The following CAMK4 variants were observed in gnomAD, a reference collection of about 807,000 sequenced individuals.
CAMK4 encodes calcium/calmodulin-dependent protein kinase type IV.
A neutral mutation model predicts 44.9 loss-of-function variants in CAMK4; 22 were observed. That is an observed-to-expected ratio of 0.49 (90% CI 0.35 to 0.70). The LOEUF is 0.70. Among genes scored for constraint, CAMK4 ranks in the 30% least tolerant of loss-of-function variants. The pLI is 0.01. For synonymous variants in CAMK4, 218 were observed against 215.4 expected (o/e 1.01, Z -0.11); for missense variants, 498 against 586.8 (o/e 0.85, Z 1.56).
intron 5 of CAMK4, among the ~76,000 whole-genome samples, chr5:111,399,550 A>G (rs1752145627): frequency 6.6e-6 from 1 of 152,202 alleles, no homozygotes; most frequent in South Asian, 2.1e-4. Context: ...GTACATGACA[A>G]AGTAGGAGCT....
intron 1 of CAMK4, among the ~76,000 whole-genome samples, chr5:111,297,443 C>T (rs993786816): frequency 4.6e-5 from 7 of 152,210 alleles, no homozygotes; most frequent in Admixed American, 1.3e-4. Flanking sequence ...CTCCAATTGA[C>T]ATGAGTGGCT....
intron 7 of CAMK4, among the ~76,000 whole-genome samples, chr5:111,467,190 G>C (rs1754866414): frequency 6.6e-6 from 1 of 152,012 alleles, no homozygotes; most frequent in Non-Finnish European, 1.5e-5. Context: ...ATCAACTCAA[G>C]ATGGAAGAAG....
chr5:111,227,229 C>T (rs1191895244), intron 1 of CAMK4, among the ~76,000 whole-genome samples: 2 of 152,172 alleles, frequency 1.3e-5, no homozygotes, highest in Non-Finnish European at 2.9e-5. Context: ...GAGAATGCAA[C>T]AGAATGATGA....
At chr5:111,230,919 C>T (rs1232609105) in intron 1 of CAMK4, among the ~76,000 whole-genome samples, 1 of 151,744 alleles carries the variant, frequency 6.6e-6, no homozygotes, top group Non-Finnish European at 1.5e-5. Flanking sequence ...CAAATTCATA[C>T]TGCAAAATAT....
intron 1 of CAMK4, among the ~76,000 whole-genome samples, chr5:111,242,099 AG>A (rs1439421716): frequency 2.0e-5 from 3 of 152,310 alleles, no homozygotes; most frequent in East Asian, 3.9e-4. Flanking sequence ...CCCAAACAAC[AG>A]CCACAAGAAA....
chr5:111,414,374 C>G (rs1016281782), intron 5 of CAMK4, among the ~76,000 whole-genome samples: 2 of 152,176 alleles, frequency 1.3e-5, no homozygotes, highest in East Asian at 3.8e-4. Context: ...CCCCACTTCT[C>G]CACCTCTCAG....
intron 2 of CAMK4, among the ~76,000 whole-genome samples, chr5:111,354,673 G>C (rs1441983992): frequency 5.3e-5 from 8 of 151,958 alleles, no homozygotes; most frequent in African/African-American, 1.7e-4. Flanking sequence ...CTCCAGCCTG[G>C]GCAACAGAGC....
At position 111,482,967 on chromosome 5, in the gene CAMK4, GTTTTGTTTTC is replaced by G; in HGVS notation, c.981+31_981+40del. 1 of 1,561,574 alleles carries G rather than the reference GTTTTGTTTTC, an allele frequency of 6.4e-7. No individual in the cohort carries two copies. Among genetic ancestry groups the G allele is most frequent in the Non-Finnish European group, 8.6e-7 (1 of 1,157,972 alleles). ...GATAGCATATATTTTGTTTTGTTTT[GTTTTGTTTTC>G]AAAAAATTTATCTCATCTTGATCTA... On this transcript the variant is annotated intron_variant, in intron 10 of 10. Coordinates refer to ENST00000282356, the MANE Select transcript of CAMK4 (RefSeq NM_001744.6). The surrounding 1 kb of genome is among the most constrained non-coding windows in gnomAD (Gnocchi z 4.9).
At position 111,484,132 on chromosome 5, in the gene CAMK4, A is replaced by G; in HGVS notation, c.1088A>G (p.Gln363Arg). 6.2e-7 allele frequency: 1 copy of G among 1,614,200 alleles called. No homozygotes were observed. The highest frequency in any genetic ancestry group is 8.5e-7 in the Non-Finnish European group (1 of 1,180,016). Residue 363 changes from glutamine to arginine, a missense_variant, in exon 11 of 11, where the codon CAA becomes CGA. Gln to Arg is a conservative substitution (Grantham distance 43). Around this residue, in one of 3 missense-constraint regions of CAMK4, gnomAD observed 143 missense variants for 144.9 expected, o/e 0.99. Coordinates refer to ENST00000282356, the MANE Select transcript of CAMK4 (RefSeq NM_001744.6). This position sits in a 1 kb window ranked among gnomAD's most constrained non-coding sequence, Gnocchi z 5.3. ...HKASRDPSPI[Q>R]DGNEDMKAIP... ...GCTAGCCGAGACCCTTCTCCAATCC[A>G]AGATGGCAACGAGGACATGAAAGCT...
At chr5:111,438,988 G>A (rs1044071197) in intron 5 of CAMK4, among the ~76,000 whole-genome samples, 3 of 152,156 alleles carry the variant, frequency 2.0e-5, no homozygotes, top group Non-Finnish European at 4.4e-5. Context: ...TGGCTGAACC[G>A]GAGTAGCCTT....
At chr5:111,289,735 C>T (rs565252351) in intron 1 of CAMK4, among the ~76,000 whole-genome samples, 51 of 152,200 alleles carry the variant, frequency 3.4e-4, no homozygotes, top group African/African-American at 1.2e-3. Context: ...TTTTGTTGGC[C>T]TATAACTGCC....
chr5:111,236,362 GATT>G (rs1748720881), intron 1 of CAMK4, among the ~76,000 whole-genome samples: 1 of 152,228 alleles, frequency 6.6e-6, no homozygotes, highest in South Asian at 2.1e-4. Context: ...AGCTTGGTGT[GATT>G]ATACTGTCTT....
chr5:111,297,325 G>A (rs2112638181), intron 1 of CAMK4, among the ~76,000 whole-genome samples: 1 of 152,254 alleles, frequency 6.6e-6, no homozygotes, highest in Non-Finnish European at 1.5e-5. Context: ...TCATTTATAA[G>A]TTCTCAAGTC....
chr5:111,242,294 G>T (rs57676414), intron 1 of CAMK4, among the ~76,000 whole-genome samples: 6 of 152,050 alleles, frequency 3.9e-5, no homozygotes, highest in East Asian at 3.9e-4. Context: ...GTCTTTGAAG[G>T]GGTATAATAA....
chr5:111,263,932 G>GA lies in CAMK4; in HGVS notation c.161+39297dup, dbSNP rs983310980. On this transcript the variant is annotated intron_variant, in intron 1 of 10. Coordinates refer to ENST00000282356, the MANE Select transcript of CAMK4 (RefSeq NM_001744.6). ...TTTTGCCTAATAAAGCATTCTCATA[G>GA]AAAAAAAAAGCCACCTCACCTCTTC... Among the ~76,000 whole-genome samples the GA allele has an allele frequency of 6.6e-5, 10 of 150,936 alleles. No homozygotes were observed. The South Asian group carries it at 1.3e-3, about 19-fold the overall frequency.
intron 1 of CAMK4, among the ~76,000 whole-genome samples, chr5:111,315,784 T>C (rs551862230): frequency 2.0e-5 from 3 of 152,074 alleles, no homozygotes; most frequent in Non-Finnish European, 4.4e-5. Context: ...AAAGGCTCAT[T>C]CTCAGTTTTT....
intron 2 of CAMK4, among the ~76,000 whole-genome samples, chr5:111,350,843 T>C (rs1750075864): frequency 6.6e-6 from 1 of 152,104 alleles, no homozygotes; most frequent in Admixed American, 6.6e-5. Flanking sequence ...TGTGAGTTGG[T>C]TTTTAACTTC....
intron 7 of CAMK4, among the ~76,000 whole-genome samples, chr5:111,450,744 C>T (rs985522451): frequency 4.0e-5 from 6 of 150,820 alleles, no homozygotes; most frequent in Admixed American, 4.0e-4. Context: ...AGCAAGATTG[C>T]ACCATTGCAC....
At chr5:111,319,842 TA>T (rs543500560) in intron 1 of CAMK4, among the ~76,000 whole-genome samples, 2 of 134,842 alleles carry the variant, frequency 1.5e-5, no homozygotes, top group African/African-American at 3.0e-5. Context: ...GACATCCAAT[TA>T]AAAAAAACTG....
Sources: gnomAD v4.1 joint callset for allele counts (sites outside exome capture counted in the v4.1 genomes callset) on GRCh38, gnomAD v4.1.1 for gene constraint, gnomAD v4.1.1 regional missense constraint, Gnocchi (gnomAD v3.1) non-coding constraint, MANE v1.5 for transcripts, NCBI Gene and HGNC (gene_info 2026-07-23, HGNC 2026-07-21) for gene names.